Variants in CSGALNACT1 observed in about 807,000 individuals in gnomAD.
CSGALNACT1 encodes the protein beta4GalNAcT-1.
Under a neutral mutation model 51.0 loss-of-function variants are expected in CSGALNACT1, and 52 were observed. That is an observed-to-expected ratio of 1.02 (90% CI 0.82 to 1.29). The LOEUF (loss-of-function observed/expected upper bound fraction) is 1.29. Among genes scored for constraint, CSGALNACT1 ranks in the 50% most tolerant of loss-of-function variants. The pLI is 0.00. For missense variants in CSGALNACT1, 935 were observed against 679.2 expected, an observed-to-expected ratio of 1.38 and a Z score of -4.19; for synonymous variants, 341 against 254.4, an observed-to-expected ratio of 1.34 and a Z score of -3.24.
At chr8:19,514,811 G>T (rs113830989) in intron 3 of CSGALNACT1, among the ~76,000 whole-genome samples, 2,481 of 151,020 alleles carry the variant, frequency 0.016, 76 homozygotes, top group African/African-American at 0.057. Context: ...CCAGCCTGGG[G>T]GACAGAGTGA....
intron 6 of CSGALNACT1, among the ~76,000 whole-genome samples, chr8:19,423,232 G>A (rs761810567): frequency 7.7e-4 from 117 of 152,242 alleles, no homozygotes; most frequent in South Asian, 2.1e-3. Flanking sequence ...TCTCCCCCTT[G>A]AACAGCCTAC....
intron 3 of CSGALNACT1, among the ~76,000 whole-genome samples, chr8:19,524,583 T>TG (rs1174615858): frequency 6.6e-6 from 1 of 151,638 alleles, no homozygotes; most frequent in Non-Finnish European, 1.5e-5. Context: ...AGAGTTGGGA[T>TG]TTTTTTTTCT....
At chr8:19,446,395 C>T (rs1454335920) in intron 5 of CSGALNACT1, among the ~76,000 whole-genome samples, 1 of 152,124 alleles carries the variant, frequency 6.6e-6, no homozygotes. Flanking sequence ...ACTCCAACTT[C>T]CTAAGATCCC....
exon 4 of CSGALNACT1, chr8:19,505,810 G>A: frequency 6.2e-7 from 1 of 1,612,746 alleles, no homozygotes; most frequent in South Asian, 1.1e-5. Flanking sequence ...ATCCACGCAA[G>A]CAGCCCCCGG....
At chr8:19,635,545 C>T (rs1024080340) in intron 1 of CSGALNACT1, among the ~76,000 whole-genome samples, 1 of 152,168 alleles carries the variant, frequency 6.6e-6, no homozygotes, top group Non-Finnish European at 1.5e-5. Flanking sequence ...TGTTGCCTCC[C>T]CCTTGTCTGT....
intron 6 of CSGALNACT1, among the ~76,000 whole-genome samples, chr8:19,422,029 C>G (rs1344791613): frequency 6.6e-6 from 1 of 152,186 alleles, no homozygotes; most frequent in African/African-American, 2.4e-5. Context: ...AGCTGTGCCT[C>G]TGATGGATTT....
chr8:19,546,608 CA>C, intron 3 of CSGALNACT1, among the ~76,000 whole-genome samples: 1 of 152,326 alleles, frequency 6.6e-6, no homozygotes, highest in South Asian at 2.1e-4. Flanking sequence ...GCTGCACAGC[CA>C]CATCCACTCT....
intron 3 of CSGALNACT1, among the ~76,000 whole-genome samples, chr8:19,586,480 A>G (rs1460999530): frequency 1.3e-5 from 2 of 152,116 alleles, no homozygotes; most frequent in African/African-American, 2.4e-5. Flanking sequence ...CCTCTAAAAC[A>G]TATAAGATCC....
At chr8:19,719,837 T>A (rs2063017972) in intron 1 of CSGALNACT1, among the ~76,000 whole-genome samples, 1 of 152,094 alleles carries the variant, frequency 6.6e-6, no homozygotes, top group Admixed American at 6.5e-5. Context: ...AAAACAACAA[T>A]GAAAAAACAC....
intron 1 of CSGALNACT1, among the ~76,000 whole-genome samples, chr8:19,679,540 G>T (rs751878460): frequency 1.6e-4 from 25 of 152,124 alleles, no homozygotes; most frequent in Admixed American, 5.9e-4. Context: ...TCATTTTAAG[G>T]TACTGACGCA....
intron 6 of CSGALNACT1, among the ~76,000 whole-genome samples, chr8:19,421,585 A>T (rs200589082): frequency 6.6e-6 from 1 of 152,080 alleles, no homozygotes; most frequent in African/African-American, 2.4e-5. Context: ...CCATGCCCCA[A>T]CTTCTCTCTA....
chr8:19,457,476 G>A (rs181965909), intron 5 of CSGALNACT1: 166 of 379,818 alleles, frequency 4.4e-4, no homozygotes, highest in African/African-American at 3.4e-3. Context: ...AGCCGGGCAT[G>A]GTAATGGGCA....
At chr8:19,505,818 C>A (rs1029503064) in exon 4 of CSGALNACT1, 4 of 1,612,172 alleles carry the variant, frequency 2.5e-6, no homozygotes, top group Non-Finnish European at 3.4e-6. Flanking sequence ...AAGCAGCCCC[C>A]GGCGAACCAT....
intron 5 of CSGALNACT1, among the ~76,000 whole-genome samples, chr8:19,447,803 C>T (rs573809086): frequency 6.6e-5 from 10 of 152,312 alleles, no homozygotes; most frequent in African/African-American, 2.4e-4. Flanking sequence ...GGGTCCTGTT[C>T]TCCAACCAGC....
intron 5 of CSGALNACT1, among the ~76,000 whole-genome samples, chr8:19,452,198 G>C (rs2063302787): frequency 1.3e-5 from 2 of 152,162 alleles, no homozygotes; most frequent in African/African-American, 4.8e-5. Flanking sequence ...CTCCAAAAGG[G>C]AAGCTCGTTG....
intron 1 of CSGALNACT1, among the ~76,000 whole-genome samples, chr8:19,714,666 C>A (rs1485817255): frequency 6.6e-6 from 1 of 152,000 alleles, no homozygotes; most frequent in Non-Finnish European, 1.5e-5. Flanking sequence ...GCTTATTAAT[C>A]ATAGTTATTT....
intron 5 of CSGALNACT1, among the ~76,000 whole-genome samples, chr8:19,444,777 A>G (rs1372316006): frequency 6.6e-6 from 1 of 152,234 alleles, no homozygotes; most frequent in African/African-American, 2.4e-5. Flanking sequence ...AATGAGCTCA[A>G]TTAAAACCAT....
chr8:19,450,107 G>A (rs1435279461), intron 5 of CSGALNACT1, among the ~76,000 whole-genome samples: 5 of 88,210 alleles, frequency 5.7e-5, no homozygotes, highest in South Asian at 5.6e-4. Flanking sequence ...GAGGAGGAAG[G>A]GGAAGAGGAG....
upstream of CSGALNACT1, chr8:19,683,342 C>T (rs1229945460): frequency 6.6e-6 from 1 of 152,178 alleles, no homozygotes; most frequent in South Asian, 2.1e-4. Flanking sequence ...GGCATTTTAT[C>T]AGGATCTTGG....
Sources: allele counts gnomAD v4.1 joint callset (sites outside exome capture counted in the v4.1 genomes callset), GRCh38; gene constraint gnomAD v4.1.1; transcripts MANE v1.5; gene names NCBI Gene and HGNC (gene_info 2026-07-23, HGNC 2026-07-21).